Variants in PDE3B observed in about 807,000 individuals in gnomAD.
PDE3B encodes the protein cGMP-inhibited 3',5'-cyclic phosphodiesterase 3B.
In PDE3B, 66 loss-of-function variants were observed where a neutral mutation model predicts 116.8. The ratio of observed to expected loss-of-function variants is 0.56; its 90% CI spans 0.46 to 0.69. PDE3B has a LOEUF of 0.69. Among genes scored for constraint, PDE3B ranks in the 30% least tolerant of loss-of-function variants. The probability of loss-of-function intolerance (pLI) is 0.00; values close to 1 mark genes in which losing one functional copy is unlikely to be tolerated. For synonymous variants in PDE3B, 595 were observed against 533.6 expected, an observed-to-expected ratio of 1.12 and a Z score of -1.59; for missense variants, 1,384 against 1,368.1, an observed-to-expected ratio of 1.01 and a Z score of -0.18.
intron 1 of PDE3B, among the ~76,000 whole-genome samples, chr11:14,713,362 A>G (rs2133830769): frequency 1.3e-5 from 2 of 152,268 alleles, no homozygotes; most frequent in Middle Eastern, 3.4e-3. Context: ...AGTTTCTATG[A>G]GAGTGTTTTT....
chr11:14,680,070 C>T (rs533914468), intron 1 of PDE3B, among the ~76,000 whole-genome samples: 4 of 152,282 alleles, frequency 2.6e-5, no homozygotes, highest in East Asian at 3.9e-4. Context: ...ACATGCAAAG[C>T]GGCACTGGTG....
intron 1 of PDE3B, among the ~76,000 whole-genome samples, chr11:14,651,744 C>T (rs775122970): frequency 7.8e-4 from 119 of 152,288 alleles, no homozygotes; most frequent in African/African-American, 2.3e-3. Context: ...GTCATGCCAA[C>T]ACACTATATT....
intron 1 of PDE3B, among the ~76,000 whole-genome samples, chr11:14,688,191 C>G (rs1264821417): frequency 3.3e-5 from 5 of 150,654 alleles, no homozygotes; most frequent in Admixed American, 6.6e-5. Context: ...CCCCCTCTCC[C>G]TCTTCTCTCT....
intron 1 of PDE3B, among the ~76,000 whole-genome samples, chr11:14,737,321 G>C (rs1856630190): frequency 6.6e-6 from 1 of 152,126 alleles, no homozygotes; most frequent in Admixed American, 6.5e-5. Context: ...AGCCTCCTGA[G>C]TAGCTGGGAC....
intron 1 of PDE3B, among the ~76,000 whole-genome samples, chr11:14,702,314 A>G (rs990611266): frequency 6.6e-6 from 1 of 151,770 alleles, no homozygotes; most frequent in Non-Finnish European, 1.5e-5. Flanking sequence ...GAGTTTATTG[A>G]TGTCATTCCT....
chr11:14,826,495 A>T (rs1859689366), intron 7 of PDE3B, among the ~76,000 whole-genome samples: 1 of 152,120 alleles, frequency 6.6e-6, no homozygotes, highest in Non-Finnish European at 1.5e-5. Flanking sequence ...ACACCTCTTT[A>T]CACACAAACT....
intron 1 of PDE3B, among the ~76,000 whole-genome samples, chr11:14,674,982 G>A (rs1413366685): frequency 6.6e-6 from 1 of 152,114 alleles, no homozygotes; most frequent in Non-Finnish European, 1.5e-5. Flanking sequence ...AGAAATGGTG[G>A]GCTGGTTGCC....
At chr11:14,835,133 GGAATAGTAAATCAAGCTTTCTCATTTCA>G in intron 11 of PDE3B, 38 bp downstream of exon 11, 1 of 1,289,476 alleles carries the variant, frequency 7.8e-7, no homozygotes, top group Non-Finnish European at 1.1e-6. Context: ...ATTTTGATCA[GGAATAGTAAATCAAGCTTTCTCATTTCA>G]TTACCTCTGT....
intron 1 of PDE3B, among the ~76,000 whole-genome samples, chr11:14,756,004 A>G (rs1236874755): frequency 1.3e-5 from 2 of 152,172 alleles, no homozygotes; most frequent in African/African-American, 2.4e-5. Context: ...TTAGATGATT[A>G]TTTACTCCAA....
In PDE3B at chr11:14,869,154, C is replaced by T. The variant is rs12295371; in HGVS notation, c.3140-307C>T. Among the ~76,000 whole-genome samples the T allele has an allele frequency of 9.5e-3, 1,441 of 152,250 alleles. 22 individuals are homozygous for T. The highest frequency in any genetic ancestry group is 0.032 in the African/African-American group (1,349 of 41,552). On this transcript the variant is annotated intron_variant, in intron 15 of 15. Transcript: ENST00000282096. The stretch of plus-strand genomic sequence containing the variant: ...TTTCAGCACGCTTCTTCCCTCTCCA[C>T]CATACCCAGCCAGTTTTCCCTAAAC...
chr11:14,767,707 C>T (rs1040573820), intron 1 of PDE3B, among the ~76,000 whole-genome samples: 14 of 151,270 alleles, frequency 9.3e-5, no homozygotes, highest in South Asian at 2.1e-4. Context: ...GAGATTTCTG[C>T]GGAAATCAAA....
chr11:14,847,106 C>T (rs1240535932), intron 12 of PDE3B, among the ~76,000 whole-genome samples: 1 of 152,122 alleles, frequency 6.6e-6, no homozygotes, highest in East Asian at 1.9e-4. Context: ...CTCTCCTCAG[C>T]AAATGTAAAA....
the PDE3B span, chr11:14,877,498 T>TG: frequency 6.6e-6 from 1 of 152,138 alleles, no homozygotes; most frequent in Non-Finnish European, 1.5e-5. Context: ...GCTATGAAGA[T>TG]GGACACTCAG....
intron 1 of PDE3B, among the ~76,000 whole-genome samples, chr11:14,657,026 TA>T (rs1243612848): frequency 6.6e-6 from 1 of 152,152 alleles, no homozygotes; most frequent in African/African-American, 2.4e-5. Flanking sequence ...AAAAAGTGAT[TA>T]AAAGGGGGGT....
chr11:14,814,946 G>A (rs998083115), intron 5 of PDE3B, among the ~76,000 whole-genome samples: 2 of 151,630 alleles, frequency 1.3e-5, no homozygotes, highest in Admixed American at 6.6e-5. Context: ...CTCCAGCCTG[G>A]GCAACTGAGT....
At chr11:14,735,037 C>T (rs901902780) in intron 1 of PDE3B, among the ~76,000 whole-genome samples, 2 of 152,086 alleles carry the variant, frequency 1.3e-5, no homozygotes, top group African/African-American at 4.8e-5. Context: ...AATAGCCCAC[C>T]CCATCATCTT....
Position 14,835,031 on chromosome 11 carries a change from G to T in PDE3B, c.2256G>T (p.Leu752=), listed in dbSNP as rs776267238. Residue 752 remains leucine, a synonymous_variant, in exon 11 of 16, where the codon CTG becomes CTT. Coordinates refer to ENST00000282096, the MANE Select transcript of PDE3B (RefSeq NM_000922.4). ...ATDVLHAVWY[L]TTRPVPGLQQ... is the part of the protein sequence containing the mutation. The stretch of plus-strand genomic sequence containing the variant: ...ATGTGCTACATGCAGTTTGGTATCT[G>T]ACAACACGGCCAGTTCCTGGCTTAC... 3 of 1,613,422 alleles carry T rather than the reference G, an allele frequency of 1.9e-6. No homozygotes were observed. The South Asian group carries it at 3.3e-5, about 18-fold the overall frequency.
the PDE3B span, among the ~76,000 whole-genome samples, chr11:14,896,365 G>A: frequency 6.6e-6 from 1 of 152,110 alleles, no homozygotes; most frequent in Non-Finnish European, 1.5e-5. Flanking sequence ...CACCACAAAT[G>A]TATTGGGCAC....
In PDE3B at chr11:14,761,129, G is replaced by A. The variant is rs376018549; in HGVS notation, c.979-10808G>A. 9.9e-5 allele frequency among the ~76,000 whole-genome samples: 15 copies of A among 151,946 alleles called. No homozygotes were observed. In the East Asian group the frequency reaches 1.5e-3, roughly 16 times the overall value. Reference sequence around the variant, plus strand: ...TGTGTATTTGCTTCCTAATAAACGAGCAGCGCTATTAATATAGAAAAAAGA... The same window carrying A: ...TGTGTATTTGCTTCCTAATAAACGAACAGCGCTATTAATATAGAAAAAAGA... On this transcript the variant is annotated intron_variant, in intron 1 of 15. Transcript: ENST00000282096.
Sources: gnomAD v4.1 joint callset for allele counts (sites outside exome capture counted in the v4.1 genomes callset) on GRCh38, gnomAD v4.1.1 for gene constraint, MANE v1.5 for transcripts, NCBI Gene and HGNC (gene_info 2026-07-23, HGNC 2026-07-21) for gene names.